STPG2: variants seen among roughly 807,000 people sequenced by gnomAD.
The protein encoded by STPG2 is sperm-tail PG-rich repeat-containing protein 2.
STPG2 carries 56 observed loss-of-function variants against 54.2 expected under a neutral mutation model. The ratio of observed to expected loss-of-function variants is 1.03; its 90% CI spans 0.83 to 1.29. STPG2 has a LOEUF of 1.29. Ranked by LOEUF, STPG2 falls within the 50% of genes most tolerant of loss-of-function variation. STPG2 has a pLI of 0.00. For missense variants in STPG2, 596 were observed against 544.9 expected (o/e 1.09, Z -0.93); for synonymous variants, 200 against 181.8 (o/e 1.10, Z -0.81).
At chr4:98,067,358 G>C (rs1303116981) in intron 5 of STPG2, among the ~76,000 whole-genome samples, 1 of 152,112 alleles carries the variant, frequency 6.6e-6, no homozygotes, top group Non-Finnish European at 1.5e-5. Flanking sequence ...TATGGATATA[G>C]TTCCTATATA....
intron 9 of STPG2, among the ~76,000 whole-genome samples, chr4:97,741,308 T>G (rs376374232): frequency 6.6e-5 from 10 of 152,196 alleles, no homozygotes; most frequent in South Asian, 2.1e-4. Context: ...CATGGGCAAG[T>G]ACTTCATGTC....
At chr4:97,909,937 C>G (rs1333854043) in intron 8 of STPG2, among the ~76,000 whole-genome samples, 1 of 152,076 alleles carries the variant, frequency 6.6e-6, no homozygotes, top group Non-Finnish European at 1.5e-5. Context: ...TGCCACTACA[C>G]TAAAACATGA....
At chr4:97,716,248 T>A (rs1303979252) in intron 9 of STPG2, among the ~76,000 whole-genome samples, 3 of 152,026 alleles carry the variant, frequency 2.0e-5, no homozygotes, top group Non-Finnish European at 2.9e-5. Flanking sequence ...ACATTGTTGG[T>A]AGGAGTGTCA....
intron 10 of STPG2, among the ~76,000 whole-genome samples, chr4:97,620,837 T>C (rs1032907580): frequency 1.3e-5 from 2 of 152,072 alleles, no homozygotes; most frequent in African/African-American, 4.8e-5. Flanking sequence ...ATACATTCTC[T>C]CATCACCACA....
At chr4:97,751,547 C>T (rs766276850) in intron 9 of STPG2, among the ~76,000 whole-genome samples, 5 of 151,552 alleles carry the variant, frequency 3.3e-5, no homozygotes, top group Middle Eastern at 3.2e-3. Context: ...CATATTTTTA[C>T]GAGGAAATTT....
intron 10 of STPG2, among the ~76,000 whole-genome samples, chr4:97,708,581 C>T (rs868595226): frequency 1.3e-5 from 2 of 151,758 alleles, no homozygotes; most frequent in Non-Finnish European, 2.9e-5. Context: ...ATAAAACTAT[C>T]TTTATAAGGC....
intron 4 of STPG2, among the ~76,000 whole-genome samples, chr4:97,470,165 T>TC (rs1323091439): frequency 6.6e-6 from 1 of 151,980 alleles, no homozygotes; most frequent in African/African-American, 2.4e-5. Context: ...TCCAGCCTTC[T>TC]CCCTCAGGAG....
At chr4:97,926,862 A>G (rs1202222987) in intron 8 of STPG2, among the ~76,000 whole-genome samples, 1 of 152,070 alleles carries the variant, frequency 6.6e-6, no homozygotes, top group Non-Finnish European at 1.5e-5. Context: ...ACATAACTCT[A>G]CCATTTTTAC....
intron 1 of STPG2, among the ~76,000 whole-genome samples, 189 bp downstream of exon 1, chr4:98,142,853 T>C (rs986673280): frequency 2.6e-5 from 4 of 152,206 alleles, no homozygotes; most frequent in Non-Finnish European, 5.9e-5. Context: ...CCTTTTGAAA[T>C]GGGACAAGTG....
chr4:97,467,288 T>C (rs988446831), intron 4 of STPG2, among the ~76,000 whole-genome samples: 1 of 151,950 alleles, frequency 6.6e-6, no homozygotes, highest in Admixed American at 6.6e-5. Flanking sequence ...TAAAAGTATA[T>C]GATTTTAATT....
intron 4 of STPG2, among the ~76,000 whole-genome samples, chr4:97,493,394 TA>T (rs1361000528): frequency 4.0e-5 from 6 of 151,454 alleles, no homozygotes; most frequent in African/African-American, 1.5e-4. Flanking sequence ...GATCCCGCTG[TA>T]ATAGAAACCT....
chr4:97,912,946 G>C (rs1731737037), intron 8 of STPG2, among the ~76,000 whole-genome samples: 2 of 152,174 alleles, frequency 1.3e-5, no homozygotes, highest in African/African-American at 4.8e-5. Context: ...TTCTAAAGAG[G>C]AAAGAGATAC....
intron 10 of STPG2, among the ~76,000 whole-genome samples, chr4:97,575,067 G>C (rs1337748065): frequency 1.3e-5 from 2 of 151,690 alleles, no homozygotes; most frequent in Admixed American, 6.6e-5. Context: ...AAACACACAA[G>C]CTCCCCAGAT....
At chr4:97,816,401 T>A (rs1338811232) in intron 9 of STPG2, among the ~76,000 whole-genome samples, 1 of 152,162 alleles carries the variant, frequency 6.6e-6, no homozygotes, top group Non-Finnish European at 1.5e-5. Context: ...TACCCAATAA[T>A]GGGATTGCTG....
downstream of STPG2, among the ~76,000 whole-genome samples, chr4:97,557,866 G>T (rs923354009): frequency 6.6e-6 from 1 of 152,158 alleles, no homozygotes; most frequent in Non-Finnish European, 1.5e-5. Flanking sequence ...AGAGTTTCTT[G>T]CAAACAGAAT....
intron 3 of STPG2, among the ~76,000 whole-genome samples, chr4:98,110,737 A>G (rs1739323656): frequency 6.6e-6 from 1 of 151,998 alleles, no homozygotes; most frequent in African/African-American, 2.4e-5. Flanking sequence ...ATGCCCCTCG[A>G]TTGAATTCTC....
intron 5 of STPG2, among the ~76,000 whole-genome samples, chr4:97,982,750 C>G (rs2149264157): frequency 1.3e-5 from 2 of 152,092 alleles, no homozygotes; most frequent in Non-Finnish European, 2.9e-5. Flanking sequence ...GGAGAATCAC[C>G]CTTTTGTATA....
At chr4:97,601,943 T>G (rs1345789962) in intron 10 of STPG2, among the ~76,000 whole-genome samples, 1 of 151,870 alleles carries the variant, frequency 6.6e-6, no homozygotes, top group East Asian at 1.9e-4. Context: ...TTTTGGTCAT[T>G]TAAATATATG....
intron 3 of STPG2, among the ~76,000 whole-genome samples, chr4:98,127,470 T>C (rs1469617687): frequency 6.6e-6 from 1 of 152,190 alleles, no homozygotes; most frequent in Admixed American, 6.5e-5. Context: ...CAAATAACTA[T>C]AGAATACTGG....
Sources: gnomAD v4.1 joint callset for allele counts (sites outside exome capture counted in the v4.1 genomes callset) on GRCh38, gnomAD v4.1.1 for gene constraint, MANE v1.5 for transcripts, NCBI Gene and HGNC (gene_info 2026-07-23, HGNC 2026-07-21) for gene names.